Variants in KCNJ15 observed in about 807,000 individuals in gnomAD.
The protein encoded by KCNJ15 is ATP-sensitive inward rectifier potassium channel 15.
Under a neutral mutation model 23.0 loss-of-function variants are expected in KCNJ15, and 14 were observed. The observed-to-expected ratio is 0.61, with a 90% CI of 0.40 to 0.95. The LOEUF is 0.95. Ranked by LOEUF, KCNJ15 falls within the 40% of genes least tolerant of loss-of-function variation. KCNJ15 has a pLI of 0.00. For synonymous variants in KCNJ15, 185 were observed against 183.2 expected (o/e 1.01, Z -0.08); for missense variants, 388 against 461.8 (o/e 0.84, Z 1.46).
intron 1 of KCNJ15, among the ~76,000 whole-genome samples, chr21:38,283,754 C>T (rs1342881680): frequency 2.0e-5 from 3 of 152,100 alleles, no homozygotes; most frequent in South Asian, 2.1e-4. Flanking sequence ...ATTACTCTAT[C>T]GGACACCATG....
Position 38,307,123 on chromosome 21 carries a change from G to T in KCNJ15, c.*6734G>T, listed in dbSNP as rs959689886. 2.6e-5 allele frequency: 4 copies of T among 152,152 alleles called. No homozygotes were observed. The highest frequency in any genetic ancestry group is 9.7e-5 in the African/African-American group (4 of 41,414). The allele number at this position is 152,152 out of a possible 1,614,324, so 9.4% of individuals were successfully genotyped here. A position where few individuals can be genotyped will look rare whatever the true frequency, so the allele number is the denominator to read the frequency against. On this transcript the variant is annotated 3_prime_UTR_variant, in exon 3 of 3. Transcript: ENST00000398938. ...TCTCAAGGCTGAGCTACTATTTGGT[G>T]CATGTCGGAAATCTCACACTAACTG...
intron 1 of KCNJ15, chr21:38,285,641 T>G (rs1445862984): frequency 6.6e-6 from 1 of 152,264 alleles, no homozygotes; most frequent in Admixed American, 6.5e-5. Flanking sequence ...CAGGAAGGAA[T>G]TCATGTGCCA....
chr21:38,235,258 T>A (rs1223758699), intron 1 of KCNJ15, among the ~76,000 whole-genome samples: 1 of 151,940 alleles, frequency 6.6e-6, no homozygotes, highest in Non-Finnish European at 1.5e-5. Flanking sequence ...TTTTTTTTTT[T>A]AAAGTTGAGC....
At chr21:38,287,315 G>T (rs111724007) in intron 1 of KCNJ15, among the ~76,000 whole-genome samples, 4,185 of 152,308 alleles carry the variant, frequency 0.027, 74 homozygotes, top group Non-Finnish European at 0.038. Context: ...GGAAAATCTG[G>T]ATTGTTTTTT....
upstream of KCNJ15, among the ~76,000 whole-genome samples, chr21:38,256,305 C>A (rs528143257): frequency 2.7e-5 from 4 of 148,362 alleles, no homozygotes; most frequent in Non-Finnish European, 4.4e-5. Flanking sequence ...ACATGTATCC[C>A]GAAGCCCAAT....
At chr21:38,283,157 A>AAACATC (rs1983535152) in intron 1 of KCNJ15, among the ~76,000 whole-genome samples, 1 of 151,760 alleles carries the variant, frequency 6.6e-6, no homozygotes, top group Admixed American at 6.5e-5. Context: ...TCTGAGAGTA[A>AAACATC]ATGATTTCAT....
At chr21:38,269,071 G>A (rs552498762) in intron 1 of KCNJ15, 1 of 152,274 alleles carries the variant, frequency 6.6e-6, no homozygotes, top group Admixed American at 6.5e-5. Flanking sequence ...AGGACAACAA[G>A]GAAGTTAAAT....
In KCNJ15 at chr21:38,301,231, T is replaced by C. The variant is rs551255782; in HGVS notation, c.*842T>C. On this transcript the variant is annotated 3_prime_UTR_variant, in exon 3 of 3. Coordinates refer to ENST00000398938, the MANE Select transcript of KCNJ15 (RefSeq NM_170736.3). ...TATCTTAACAAGAACCCCAGATGAT[T>C]TGTGTACAAATGAAAGTTCGAAAGC... 6.0e-6 allele frequency: 1 copy of C among 167,172 alleles called. No homozygotes were observed. The highest frequency in any genetic ancestry group is 1.9e-4 in the East Asian group (1 of 5,196). 10.4% of individuals were successfully genotyped at this position (167,172 alleles called of 1,614,324 possible).
intron 1 of KCNJ15, among the ~76,000 whole-genome samples, chr21:38,295,406 G>T (rs930119698): frequency 1.8e-4 from 28 of 152,164 alleles, no homozygotes; most frequent in African/African-American, 5.8e-4. Flanking sequence ...TGATTCAGAT[G>T]ATTCTGATGT....
rs1265764421 is a variant in KCNJ15 at position 38,305,528 on chromosome 21, A to T, written c.*5139A>T. The T allele has an allele frequency of 6.6e-6, 1 of 152,270 alleles. No individual in the cohort carries two copies. The highest frequency in any genetic ancestry group is 2.4e-5 in the African/African-American group (1 of 41,478). 9.4% of individuals were successfully genotyped at this position (152,270 alleles called of 1,614,324 possible). On this transcript the variant is annotated 3_prime_UTR_variant, in exon 3 of 3. Coordinates refer to ENST00000398938, the MANE Select transcript of KCNJ15 (RefSeq NM_170736.3). ...CCAACGATGTCATATATGTAGGCAA[A>T]GTCTTTGTAATCTGAATATAATGCC...
At chr21:38,257,655 C>A (rs1484620735) in intron 1 of KCNJ15, among the ~76,000 whole-genome samples, 13 of 152,200 alleles carry the variant, frequency 8.5e-5, no homozygotes, top group Non-Finnish European at 1.9e-4. Flanking sequence ...GTTACCTATC[C>A]TTTTGAGAAA....
chr21:38,276,198 G>A (rs920173704), intron 1 of KCNJ15, among the ~76,000 whole-genome samples: 4 of 151,764 alleles, frequency 2.6e-5, no homozygotes, highest in Admixed American at 1.3e-4. Flanking sequence ...GTATACTTTC[G>A]AGGGCTAAGA....
At chr21:38,256,360 T>TTTTATATATATATATATATATATATATA (rs1980230211), upstream of KCNJ15, among the ~76,000 whole-genome samples, 1 of 106,236 alleles carries the variant, frequency 9.4e-6, no homozygotes, top group Non-Finnish European at 1.8e-5. Context: ...TCTATTCAGC[T>TTTTATATATATATATATATATATATATA]TATATATATA....
At chr21:38,241,756 C>T (rs1333206163) in intron 1 of KCNJ15, among the ~76,000 whole-genome samples, 1 of 152,026 alleles carries the variant, frequency 6.6e-6, no homozygotes, top group South Asian at 2.1e-4. Flanking sequence ...TGCTTGAGCT[C>T]AGGAGTTTGA....
intron 1 of KCNJ15, among the ~76,000 whole-genome samples, chr21:38,286,320 C>T (rs964276129): frequency 5.3e-5 from 8 of 152,274 alleles, no homozygotes; most frequent in Non-Finnish European, 7.4e-5. Context: ...TACAGTAAGG[C>T]TATGAAGACC....
chr21:38,259,004 CGTGTGT>C (rs141128448), intron 1 of KCNJ15, among the ~76,000 whole-genome samples: 2 of 149,680 alleles, frequency 1.3e-5, no homozygotes, highest in African/African-American at 2.4e-5. Context: ...TTTCTTGGGG[CGTGTGT>C]GTGTGTGTGT....
chr21:38,246,168 A>G (rs961881317), intron 1 of KCNJ15, among the ~76,000 whole-genome samples: 11 of 152,256 alleles, frequency 7.2e-5, no homozygotes, highest in Non-Finnish European at 1.2e-4. Context: ...CAAACCTTCA[A>G]CAAATAGCAG....
At chr21:38,246,120 TA>T (rs1031834084) in intron 1 of KCNJ15, among the ~76,000 whole-genome samples, 1 of 152,244 alleles carries the variant, frequency 6.6e-6, no homozygotes, top group African/African-American at 2.4e-5. Context: ...AATGACACGG[TA>T]GACATAAGGC....
intron 1 of KCNJ15, among the ~76,000 whole-genome samples, chr21:38,237,836 G>A (rs1255200127): frequency 6.6e-6 from 1 of 152,146 alleles, no homozygotes; most frequent in Non-Finnish European, 1.5e-5. Flanking sequence ...TACCCTTTGG[G>A]ACACAGCAGG....
Sources: gnomAD v4.1 joint callset for allele counts (sites outside exome capture counted in the v4.1 genomes callset) on GRCh38, gnomAD v4.1.1 for gene constraint, MANE v1.5 for transcripts, NCBI Gene and HGNC (gene_info 2026-07-23, HGNC 2026-07-21) for gene names.